BABAM2: variants seen among roughly 807,000 people sequenced by gnomAD.
BABAM2 encodes the protein BRISC and BRCA1-A complex member 2.
A neutral mutation model predicts 54.7 loss-of-function variants in BABAM2; 31 were observed. The ratio of observed to expected loss-of-function variants is 0.57; its 90% CI spans 0.43 to 0.77. The LOEUF (loss-of-function observed/expected upper bound fraction) is 0.77. Ranked by LOEUF, BABAM2 falls within the 30% of genes least tolerant of loss-of-function variation. BABAM2 has a pLI of 0.00. For synonymous variants in BABAM2, 167 were observed against 162.9 expected, an observed-to-expected ratio of 1.03 and a Z score of -0.19; for missense variants, 364 against 455.8, an observed-to-expected ratio of 0.80 and a Z score of 1.83.
intron 10 of BABAM2, among the ~76,000 whole-genome samples, chr2:28,272,409 G>C (rs1685493653): frequency 6.6e-6 from 1 of 152,220 alleles, no homozygotes; most frequent in Admixed American, 6.5e-5. Context: ...GTGGAGTAGT[G>C]ATGGAACCCC....
intron 7 of BABAM2, among the ~76,000 whole-genome samples, chr2:28,181,904 G>A (rs1341292922): frequency 3.3e-5 from 5 of 152,066 alleles, no homozygotes; most frequent in Admixed American, 1.3e-4. Flanking sequence ...GCTTCACTGC[G>A]AAAGTGACAT....
At chr2:28,004,855 T>C (rs1201206805) in intron 4 of BABAM2, among the ~76,000 whole-genome samples, 1 of 152,150 alleles carries the variant, frequency 6.6e-6, no homozygotes, top group African/African-American at 2.4e-5. Context: ...AAAAATACAT[T>C]TTAAAAAGAC....
At chr2:28,294,814 CAT>C (rs933671189) in intron 10 of BABAM2, among the ~76,000 whole-genome samples, 3 of 152,150 alleles carry the variant, frequency 2.0e-5, no homozygotes, top group Non-Finnish European at 4.4e-5. Context: ...TTTATTTTCT[CAT>C]ATGTGAATTG....
intron 3 of BABAM2, among the ~76,000 whole-genome samples, chr2:27,974,578 T>C (rs1451435510): frequency 6.6e-6 from 1 of 152,062 alleles, no homozygotes; most frequent in African/African-American, 2.4e-5. Context: ...CTTAGCTAAA[T>C]AGGAATAAAA....
intron 10 of BABAM2, among the ~76,000 whole-genome samples, chr2:28,284,554 A>T (rs55927637): frequency 0.11 from 16,460 of 152,194 alleles, 976 homozygotes; most frequent in Middle Eastern, 0.17. Context: ...CTCTGTTCAG[A>T]TCTTTTTCTG....
chr2:28,079,386 A>G (rs1664967336), intron 6 of BABAM2, among the ~76,000 whole-genome samples: 1 of 152,216 alleles, frequency 6.6e-6, no homozygotes, highest in Admixed American at 6.5e-5. Context: ...TTCTAGAGAA[A>G]GTCTTCAGAA....
intron 11 of BABAM2, among the ~76,000 whole-genome samples, chr2:28,313,751 T>C (rs2148287795): frequency 6.6e-6 from 1 of 152,318 alleles, no homozygotes; most frequent in South Asian, 2.1e-4. Flanking sequence ...GAGCTCACTA[T>C]ATGCAGAATA....
intron 4 of BABAM2, among the ~76,000 whole-genome samples, chr2:28,010,116 T>C (rs1462371726): frequency 1.3e-5 from 2 of 152,182 alleles, no homozygotes; most frequent in Non-Finnish European, 2.9e-5. Flanking sequence ...CTGGAACAGT[T>C]GTTCATTTTT....
At chr2:28,207,595 C>A (rs912736775) in intron 7 of BABAM2, among the ~76,000 whole-genome samples, 1 of 152,116 alleles carries the variant, frequency 6.6e-6, no homozygotes, top group Non-Finnish European at 1.5e-5. Flanking sequence ...AGCATCAATC[C>A]AGTACCTTGT....
chr2:27,891,738 G>T (rs532262242), intron 1 of BABAM2, among the ~76,000 whole-genome samples: 2 of 133,698 alleles, frequency 1.5e-5, no homozygotes, highest in South Asian at 2.3e-4. Flanking sequence ...CCTCCTCATG[G>T]TTGAAATAGA....
At chr2:28,111,745 A>G (rs1389056378) in intron 6 of BABAM2, among the ~76,000 whole-genome samples, 1 of 152,174 alleles carries the variant, frequency 6.6e-6, no homozygotes, top group Non-Finnish European at 1.5e-5. Flanking sequence ...GTGCACATAC[A>G]AATAACCTAG....
In BABAM2 at chr2:28,338,579, C is replaced by G; in HGVS notation, c.*66C>G. ...CCACATGCGTGTCAGCACATACAGC[C>G]GCTTCCTGGAAGCCGCCTGGAATGT... is the stretch of plus-strand genomic sequence containing the variant. On this transcript the variant is annotated 3_prime_UTR_variant, in exon 12 of 12. Coordinates refer to ENST00000379624, the MANE Select transcript of BABAM2 (RefSeq NM_199191.3). 6.4e-7 allele frequency: 1 copy of G among 1,573,844 alleles called. No homozygotes were observed. The highest frequency in any genetic ancestry group is 8.7e-7 in the Non-Finnish European group (1 of 1,144,642).
At chr2:28,191,551 C>A (rs1382806320) in intron 7 of BABAM2, among the ~76,000 whole-genome samples, 15 of 152,058 alleles carry the variant, frequency 9.9e-5, no homozygotes, top group Non-Finnish European at 1.8e-4. Flanking sequence ...ATGGAATACG[C>A]CTCAGCAATA....
intron 7 of BABAM2, among the ~76,000 whole-genome samples, chr2:28,161,374 G>T (rs1673074379): frequency 6.6e-6 from 1 of 152,138 alleles, no homozygotes; most frequent in African/African-American, 2.4e-5. Flanking sequence ...TTTCCAGTCA[G>T]ATGACTCCAG....
intron 6 of BABAM2, among the ~76,000 whole-genome samples, chr2:28,084,478 T>C (rs1174911726): frequency 1.3e-5 from 2 of 152,156 alleles, no homozygotes; most frequent in Non-Finnish European, 2.9e-5. Flanking sequence ...AAGCAGAACT[T>C]GGATGGAATC....
chr2:28,337,682 G>C (rs762072111), intron 11 of BABAM2, among the ~76,000 whole-genome samples: 2 of 152,234 alleles, frequency 1.3e-5, no homozygotes, highest in South Asian at 4.1e-4. Flanking sequence ...TGGAGCCCAT[G>C]AATCATTTAG....
At chr2:28,194,516 T>C (rs1374080450) in intron 7 of BABAM2, among the ~76,000 whole-genome samples, 1 of 151,090 alleles carries the variant, frequency 6.6e-6, no homozygotes. Flanking sequence ...ATAAATAGGC[T>C]AATGAAACCG....
rs374770713 is a variant in BABAM2 at position 28,128,200 on chromosome 2, T to A, written c.571-1071T>A. ...ACCTTCCTAAGGACCTATGAACTGA[T>A]CCAGAAATATAGGTCCGTTCTTACC... On this transcript the variant is annotated intron_variant, in intron 6 of 11. Coordinates refer to ENST00000379624, the MANE Select transcript of BABAM2 (RefSeq NM_199191.3). Among the ~76,000 whole-genome samples the A allele has an allele frequency of 2.0e-5, 3 of 152,146 alleles. No individual in the cohort carries two copies. In the East Asian group the frequency reaches 5.8e-4, roughly 29 times the overall value.
At chr2:28,021,948 G>A (rs1163052728) in intron 4 of BABAM2, among the ~76,000 whole-genome samples, 1 of 152,130 alleles carries the variant, frequency 6.6e-6, no homozygotes, top group African/African-American at 2.4e-5. Context: ...TTGTGGCACT[G>A]TGGCCAAAAA....
Sources: gnomAD v4.1 joint callset for allele counts (sites outside exome capture counted in the v4.1 genomes callset) on GRCh38, gnomAD v4.1.1 for gene constraint, MANE v1.5 for transcripts, NCBI Gene and HGNC (gene_info 2026-07-23, HGNC 2026-07-21) for gene names.